Variants in CNN3 observed in about 807,000 individuals in gnomAD.
CNN3 encodes calponin-3.
Under a neutral mutation model 39.0 loss-of-function variants are expected in CNN3, and 11 were observed. That is an observed-to-expected ratio of 0.28 (90% CI 0.18 to 0.47). CNN3 has a LOEUF of 0.47. Among genes scored for constraint, CNN3 ranks in the 20% least tolerant of loss-of-function variants. CNN3 has a pLI of 0.99. For synonymous variants in CNN3, 101 were observed against 138.3 expected, an observed-to-expected ratio of 0.73 and a Z score of 1.89; for missense variants, 266 against 403.4, an observed-to-expected ratio of 0.66 and a Z score of 2.92.
chr1:94,905,716 G>T (rs907034101), intron 1 of CNN3, among the ~76,000 whole-genome samples: 1 of 152,170 alleles, frequency 6.6e-6, no homozygotes, highest in Non-Finnish European at 1.5e-5. Flanking sequence ...CATGGATCAA[G>T]TCTGGCCTGG....
chr1:94,900,094 G>A (rs1670824953), intron 5 of CNN3, among the ~76,000 whole-genome samples: 1 of 152,114 alleles, frequency 6.6e-6, no homozygotes, highest in African/African-American at 2.4e-5. Flanking sequence ...CAAAGTTCAG[G>A]GAAACAATAA....
intron 1 of CNN3, among the ~76,000 whole-genome samples, chr1:94,919,908 C>T (rs1671395112): frequency 6.6e-6 from 1 of 152,068 alleles, no homozygotes; most frequent in East Asian, 1.9e-4. Context: ...AAGCATTAGT[C>T]TTCTCCACTC....
chr1:94,899,691 T>G lies in CNN3; in HGVS notation c.502-174A>C, dbSNP rs113824442. Among the ~76,000 whole-genome samples, 688 of 111,144 alleles carry G rather than the reference T, an allele frequency of 6.2e-3. 6 individuals carry two copies. Among genetic ancestry groups the G allele is most frequent in the African/African-American group, 0.018 (650 of 36,940 alleles). The allele number at this position is 111,144 out of a possible 152,430, so 72.9% of individuals were successfully genotyped here. On this transcript the variant is annotated intron_variant, in intron 5 of 6. Transcript: ENST00000370206. ...ACAAACAAATTTCAAGTGCTAACTT[T>G]AAAAAGAAAATTTTAAAGTCACTAT...
At chr1:94,918,228 C>A (rs982398077) in intron 1 of CNN3, among the ~76,000 whole-genome samples, 1 of 152,178 alleles carries the variant, frequency 6.6e-6, no homozygotes, top group Non-Finnish European at 1.5e-5. Flanking sequence ...CACAGTGGCT[C>A]ATGCCTGTAA....
At chr1:94,904,917 G>A (rs1244356922) in intron 1 of CNN3, among the ~76,000 whole-genome samples, 4 of 152,224 alleles carry the variant, frequency 2.6e-5, no homozygotes, top group Non-Finnish European at 4.4e-5. Context: ...AATGAAGGTA[G>A]AAATGTCTGC....
chr1:94,898,829 T>C (rs1380407773), intron 6 of CNN3, among the ~76,000 whole-genome samples: 8 of 152,170 alleles, frequency 5.3e-5, no homozygotes, highest in Non-Finnish European at 1.0e-4. Context: ...ATCCCAGCTG[T>C]TGTTGGATGT....
rs772000644 is a variant in CNN3 at position 94,898,038 on chromosome 1, T to G, written c.694A>C (p.Lys232Gln). 1 of 1,614,086 alleles carries G rather than the reference T, an allele frequency of 6.2e-7. No individual in the cohort carries two copies. Among genetic ancestry groups the G allele is most frequent in the South Asian group, 1.1e-5 (1 of 91,068 alleles). ...TTGTCCACCGGCTGTAATGTTAGCT[T>G]CTGATCATAGATGTCTCTTCTGGTA... Reference protein sequence around the residue: ...PGTRRDIYDQKLTLQPVDNST... With the variant: ...PGTRRDIYDQQLTLQPVDNST... Residue 232 changes from lysine (K) to glutamine (Q), a missense_variant, in exon 7 of 7, where the codon AAG (lysine) becomes CAG (glutamine). Physicochemically the swap from Lys to Gln is moderately conservative, Grantham distance 53. Transcript: ENST00000370206.
At chr1:94,906,499 A>T (rs997886094) in intron 1 of CNN3, among the ~76,000 whole-genome samples, 1 of 152,258 alleles carries the variant, frequency 6.6e-6, no homozygotes, top group East Asian at 1.9e-4. Context: ...GGGCGTTCTC[A>T]ACTAGGAGAT....
chr1:94,904,000 TC>T (rs1670936198), intron 1 of CNN3, among the ~76,000 whole-genome samples: 1 of 152,200 alleles, frequency 6.6e-6, no homozygotes, highest in African/African-American at 2.4e-5. Context: ...GTATTTGCCT[TC>T]TATTCAGCCA....
At chr1:94,905,892 T>G (rs1005855802) in intron 1 of CNN3, among the ~76,000 whole-genome samples, 7 of 152,122 alleles carry the variant, frequency 4.6e-5, no homozygotes, top group African/African-American at 1.7e-4. Flanking sequence ...CAGATAAATA[T>G]TCTTGGATAA....
chr1:94,899,472 C>T lies in CNN3; in HGVS notation c.547G>A (p.Gly183Arg). The change falls in exon 6 of 7, where the codon GGG (glycine) becomes AGG (arginine). Residue 183 changes from glycine to arginine, a missense_variant. Transcript: ENST00000370206. ...CASQAGMTAY[G>R]TRRHLYDPKM... is the part of the protein sequence containing the mutation. ...GGATCATAAAGATGCCTCCTAGTCC[C>T]GTAAGCTGTCATACCTGCCTGGCTG... 6.2e-7 allele frequency: 1 copy of T among 1,613,890 alleles called. No individual in the cohort carries two copies. The highest frequency in any genetic ancestry group is 1.3e-5 in the African/African-American group (1 of 74,988).
intron 5 of CNN3, 82 bp downstream of exon 5, chr1:94,901,587 C>T: frequency 1.1e-6 from 1 of 894,422 alleles, no homozygotes. Context: ...TCTGTCTATT[C>T]TTAGGAGAGG....
chr1:94,923,277 T>A (rs1671494169), intron 1 of CNN3, among the ~76,000 whole-genome samples: 1 of 152,200 alleles, frequency 6.6e-6, no homozygotes, highest in South Asian at 2.1e-4. Flanking sequence ...CCAAGATGCA[T>A]TCAAGGGCCT....
chr1:94,914,892 CT>C (rs112591471), intron 1 of CNN3, among the ~76,000 whole-genome samples: 4 of 148,942 alleles, frequency 2.7e-5, no homozygotes, highest in Non-Finnish European at 1.5e-5. Context: ...CATTTTCTCT[CT>C]TTTTTTTTTC....
At chr1:94,907,490 A>G (rs1045132197) in intron 1 of CNN3, among the ~76,000 whole-genome samples, 25 of 152,230 alleles carry the variant, frequency 1.6e-4, no homozygotes, top group Admixed American at 7.9e-4. Context: ...TCTCAACAAA[A>G]GAAAGTTAGC....
chr1:94,906,931 C>A (rs1043278540), intron 1 of CNN3, among the ~76,000 whole-genome samples: 5 of 152,198 alleles, frequency 3.3e-5, no homozygotes, highest in African/African-American at 1.2e-4. Context: ...TGACTACAGA[C>A]CTAACTTGAA....
rs750732279 is a variant in CNN3 at position 94,899,527 on chromosome 1, T to C, written c.502-10A>G. ...ATTTGTTGGTTCCCATCTTTTAAGT[T>C]AAAAATAAAATTGCACAAATTATCA... On this transcript the variant is annotated splice_polypyrimidine_tract_variant and intron_variant, in intron 5 of 6. Transcript: ENST00000370206. 61 of 1,608,382 alleles carry C rather than the reference T, an allele frequency of 3.8e-5. 1 individual carries two copies. The highest frequency in any genetic ancestry group is 5.0e-5 in the Non-Finnish European group (59 of 1,178,414).
At chr1:94,904,711 C>T (rs1471102546) in intron 1 of CNN3, among the ~76,000 whole-genome samples, 2 of 152,032 alleles carry the variant, frequency 1.3e-5, no homozygotes, top group African/African-American at 2.4e-5. Context: ...CACACCACTG[C>T]ACTCCAGCCT....
At chr1:94,911,303 A>T (rs1264064761) in intron 1 of CNN3, among the ~76,000 whole-genome samples, 1 of 152,192 alleles carries the variant, frequency 6.6e-6, no homozygotes, top group Non-Finnish European at 1.5e-5. Flanking sequence ...AACAGAAGTA[A>T]AGTCCAGGAG....
Sources: allele counts gnomAD v4.1 joint callset (sites outside exome capture counted in the v4.1 genomes callset), GRCh38; gene constraint gnomAD v4.1.1; transcripts MANE v1.5; gene names NCBI Gene and HGNC (gene_info 2026-07-23, HGNC 2026-07-21).